The following NUP153 variants were observed in gnomAD, a reference collection of about 807,000 sequenced individuals.
The protein encoded by NUP153 is nucleoporin 153, also known as nuclear pore complex protein Nup153.
A neutral mutation model predicts 134.6 loss-of-function variants in NUP153; 27 were observed. That is an observed-to-expected ratio of 0.20 (90% CI 0.15 to 0.28). The LOEUF (loss-of-function observed/expected upper bound fraction) is 0.28. Among genes scored for constraint, NUP153 ranks in the 10% least tolerant of loss-of-function variants. The pLI, the probability that NUP153 is intolerant of heterozygous loss-of-function variation, is 1.00. For missense variants in NUP153, 1,821 were observed against 1,731.3 expected (o/e 1.05, Z -0.92); for synonymous variants, 640 against 623.5 (o/e 1.03, Z -0.40).
At chr6:17,656,070 T>C (rs533189705) in intron 11 of NUP153, among the ~76,000 whole-genome samples, 1 of 152,092 alleles carries the variant, frequency 6.6e-6, no homozygotes, top group South Asian at 2.1e-4. Flanking sequence ...CTGGGCATGG[T>C]GGCGTACGCT....
intron 14 of NUP153, among the ~76,000 whole-genome samples, chr6:17,640,342 A>T (rs2113788032): frequency 6.6e-6 from 1 of 152,338 alleles, no homozygotes; most frequent in South Asian, 2.1e-4. Flanking sequence ...TAATCAAAAC[A>T]ATCAAACTAA....
At chr6:17,645,676 TA>T (rs945020510) in intron 14 of NUP153, among the ~76,000 whole-genome samples, 1 of 152,120 alleles carries the variant, frequency 6.6e-6, no homozygotes, top group African/African-American at 2.4e-5. Context: ...CCTTTATACA[TA>T]AAAATGCTTG....
At chr6:17,652,337 T>C (rs1238855697) in intron 11 of NUP153, among the ~76,000 whole-genome samples, 3 of 152,104 alleles carry the variant, frequency 2.0e-5, no homozygotes, top group African/African-American at 7.2e-5. Flanking sequence ...ATCTCAATCT[T>C]TTTCTAATCA....
intron 11 of NUP153, chr6:17,651,760 T>A (rs1245961467): frequency 4.5e-6 from 2 of 446,558 alleles, no homozygotes; most frequent in Non-Finnish European, 8.1e-6. Flanking sequence ...ATAGAATAAA[T>A]GTAAAGTGTA....
At chr6:17,648,275 G>A (rs969320911) in intron 12 of NUP153, among the ~76,000 whole-genome samples, 4 of 152,112 alleles carry the variant, frequency 2.6e-5, no homozygotes, top group East Asian at 1.9e-4. Flanking sequence ...TTGCTTGAAC[G>A]CAAGATTTCA....
intron 20 of NUP153, 32 bp downstream of exon 20, chr6:17,624,529 T>TACAGATACTA (rs1178894937): frequency 1.2e-6 from 2 of 1,605,358 alleles, no homozygotes; most frequent in East Asian, 4.5e-5. Flanking sequence ...ACAAAACCCA[T>TACAGATACTA]ACAGATACTA....
rs1765608776 is a variant in NUP153, at chr6:17,637,469, T to C, written c.2148A>G (p.Gly716=). 1 of 1,614,124 alleles carries C rather than the reference T, an allele frequency of 6.2e-7. No individual in the cohort carries two copies. Among genetic ancestry groups the C allele is most frequent in the African/African-American group, 1.3e-5 (1 of 74,950 alleles). ...TGCCTATCACTGGTTTAAATTTGTC[T>C]CCAAAGCCTGTCCCTGATGCAGAAA... ...TTLSASGTGF[G]DKFKPVIGTW... Residue 716 remains glycine (G), a synonymous_variant, in exon 16 of 22, where the codon GGA becomes GGG. Transcript: ENST00000262077.
rs1204753264 is a variant in NUP153, at chr6:17,616,569, C to G, written c.4301G>C (p.Gly1434Ala). 6.2e-7 allele frequency: 1 copy of G among 1,614,076 alleles called. No individual in the cohort carries two copies. Among genetic ancestry groups the G allele is most frequent in the Middle Eastern group, 1.6e-4 (1 of 6,062 alleles). ...PAASAQPSGS[G>A]GFPFNQSPAA... ...TGGAGACTGGTTAAATGGAAAGCCC[C>G]CCGAGCCTGAAGGCTGGGCTGAGGC... The change falls in exon 21 of 22, where the codon GGG becomes GCG. Residue 1434 changes from glycine (G) to alanine (A), a missense_variant. Transcript: ENST00000262077.
Position 17,624,876 on chromosome 6 carries a change from G to A in NUP153, c.3902-43C>T, listed in dbSNP as rs750835158. The A allele has an allele frequency of 2.7e-6, 4 of 1,497,508 alleles. No individual in the cohort carries two copies. The Admixed American group carries it at 9.4e-5, about 35-fold the overall frequency. 92.8% of individuals were successfully genotyped at this position (1,497,508 alleles called of 1,614,324 possible). On this transcript the variant is annotated intron_variant, in intron 19 of 21. Coordinates refer to ENST00000262077, the MANE Select transcript of NUP153 (RefSeq NM_005124.4). The stretch of plus-strand genomic sequence containing the variant: ...CACTTAAGTCACCATGGTGGCTAAT[G>A]TCAGATTATCCTCAAGAAATTTCTG...
intron 2 of NUP153, among the ~76,000 whole-genome samples, chr6:17,685,238 GTC>G (rs202149653): frequency 0.062 from 9,487 of 152,258 alleles, 390 homozygotes; most frequent in Non-Finnish European, 0.084. Context: ...CAGATATATA[GTC>G]ATGTGCCACA....
At chr6:17,701,690 T>C (rs1409998328) in intron 1 of NUP153, among the ~76,000 whole-genome samples, 4 of 149,666 alleles carry the variant, frequency 2.7e-5, no homozygotes, top group Non-Finnish European at 5.9e-5. Context: ...AAAAATTAGC[T>C]AGGCGTGGTG....
At position 17,695,086 on chromosome 6, in the gene NUP153, G is replaced by A. The variant is rs1204164573; in HGVS notation, c.112-6468C>T. 5.9e-5 allele frequency among the ~76,000 whole-genome samples: 9 copies of A among 152,046 alleles called. No homozygotes were observed. The East Asian group carries it at 1.7e-3, about 29-fold the overall frequency. Reference sequence around the variant, plus strand: ...TTGGATCATGCAATTCAAAGCTTCTGGTAACCTTATCAATAAATGCTAAAT... The same window carrying A: ...TTGGATCATGCAATTCAAAGCTTCTAGTAACCTTATCAATAAATGCTAAAT... On this transcript the variant is annotated intron_variant, in intron 1 of 21. Coordinates refer to ENST00000262077, the MANE Select transcript of NUP153 (RefSeq NM_005124.4).
rs1766381369 is a variant in NUP153 at position 17,649,222 on chromosome 6, G to A, written c.1474C>T (p.Pro492Ser). 6.2e-7 allele frequency: 1 copy of A among 1,613,888 alleles called. No individual in the cohort carries two copies. The highest frequency in any genetic ancestry group is 8.5e-7 in the Non-Finnish European group (1 of 1,179,888). The change falls in exon 12 of 22, where the codon CCT becomes TCT. Residue 492 changes from proline to serine, a missense_variant. Pro to Ser is a moderately conservative substitution (Grantham distance 74). Coordinates refer to ENST00000262077, the MANE Select transcript of NUP153 (RefSeq NM_005124.4). ...GATGGAGAGGAAGTTGTGATCTCAG[G>A]GGAACTAAAATTAAAGGTAGGCAGT... ...SSLPTFNFSS[P>S]EITTSSPSPI...
Position 17,624,812 on chromosome 6 carries a change from G to C in NUP153, c.3923C>G (p.Thr1308Ser). The change falls in exon 20 of 22, where the codon ACT (threonine) becomes AGT (serine). Residue 1308 changes from threonine (T) to serine (S), a missense_variant. Coordinates refer to ENST00000262077, the MANE Select transcript of NUP153 (RefSeq NM_005124.4). ...SSAGSSFVFG[T>S]GPSAPSASPA... ...ACTGGCAGATGGTGCTGAGGGTCCA[G>C]TTCCAAATACAAAGGAGGATCCTGG... The C allele has an allele frequency of 6.2e-7, 1 of 1,609,804 alleles. No individual in the cohort carries two copies. Among genetic ancestry groups the C allele is most frequent in the Non-Finnish European group, 8.5e-7 (1 of 1,177,146 alleles).
chr6:17,628,267 C>T lies in NUP153; in HGVS notation c.3544+388G>A, dbSNP rs1765045801. ...TTTGATGAGGACTGGTTATCTGTAA[C>T]TATTTGTAAATAAAGGCCTTCCCAT... is the stretch of plus-strand genomic sequence containing the variant. On this transcript the variant is annotated intron_variant, in intron 18 of 21. Coordinates refer to ENST00000262077, the MANE Select transcript of NUP153 (RefSeq NM_005124.4). The surrounding 1 kb of genome is among the most constrained non-coding windows in gnomAD (Gnocchi z 5.4). Among the ~76,000 whole-genome samples, 1 of 152,082 alleles carries T rather than the reference C, an allele frequency of 6.6e-6. No individual in the cohort carries two copies. Among genetic ancestry groups the T allele is most frequent in the Non-Finnish European group, 1.5e-5 (1 of 68,028 alleles).
intron 8 of NUP153, among the ~76,000 whole-genome samples, chr6:17,668,304 TC>T (rs1371046975): frequency 6.6e-6 from 1 of 151,906 alleles, no homozygotes; most frequent in Admixed American, 6.6e-5. Flanking sequence ...GGTTTTGAAC[TC>T]CTGACCTCAA....
At chr6:17,696,253 A>T (rs563689515) in intron 1 of NUP153, among the ~76,000 whole-genome samples, 1 of 152,278 alleles carries the variant, frequency 6.6e-6, no homozygotes, top group East Asian at 1.9e-4. Context: ...TTCAGCCACT[A>T]ACAAATAAGA....
At chr6:17,688,066 C>A (rs1307050916) in intron 2 of NUP153, among the ~76,000 whole-genome samples, 1 of 151,908 alleles carries the variant, frequency 6.6e-6, no homozygotes, top group Non-Finnish European at 1.5e-5. Flanking sequence ...TTGCAGTGAG[C>A]AGAGATCACA....
chr6:17,694,470 C>A (rs1269681071), intron 1 of NUP153, among the ~76,000 whole-genome samples: 1 of 152,054 alleles, frequency 6.6e-6, no homozygotes, highest in Non-Finnish European at 1.5e-5. Context: ...ACCAGCCTGG[C>A]CAACATGGTG....
Sources: allele counts gnomAD v4.1 joint callset (sites outside exome capture counted in the v4.1 genomes callset), GRCh38; gene constraint gnomAD v4.1.1; non-coding constraint Gnocchi (gnomAD v3.1); transcripts MANE v1.5; gene names NCBI Gene and HGNC (gene_info 2026-07-23, HGNC 2026-07-21).